NELL2: variants seen among roughly 807,000 people sequenced by gnomAD.
NELL2 encodes the protein protein kinase C-binding protein NELL2.
NELL2 carries 41 observed loss-of-function variants against 109.6 expected under a neutral mutation model. The ratio of observed to expected loss-of-function variants is 0.37; its 90% CI spans 0.29 to 0.49. NELL2 has a LOEUF of 0.49. Among genes scored for constraint, NELL2 ranks in the 20% least tolerant of loss-of-function variants. NELL2 has a pLI of 0.98. For synonymous variants in NELL2, 355 were observed against 344.7 expected, an observed-to-expected ratio of 1.03 and a Z score of -0.33; for missense variants, 900 against 1,008.3, an observed-to-expected ratio of 0.89 and a Z score of 1.45.
intron 12 of NELL2, among the ~76,000 whole-genome samples, chr12:44,669,029 G>A (rs1948047113): frequency 1.3e-5 from 2 of 152,060 alleles, no homozygotes; most frequent in Non-Finnish European, 2.9e-5. Flanking sequence ...CACCACTGGT[G>A]CCCAGGGACC....
At chr12:44,906,072 T>C (rs1945716465) in intron 1 of NELL2, among the ~76,000 whole-genome samples, 1 of 152,038 alleles carries the variant, frequency 6.6e-6, no homozygotes, top group African/African-American at 2.4e-5. Context: ...ATAGGGTGTT[T>C]AGTAATGGTC....
intron 13 of NELL2, among the ~76,000 whole-genome samples, chr12:44,635,949 T>C (rs959530767): frequency 4.6e-5 from 7 of 152,224 alleles, no homozygotes; most frequent in African/African-American, 9.6e-5. Flanking sequence ...TTGTGTCCTC[T>C]CTTGTTTCCT....
intron 1 of NELL2, among the ~76,000 whole-genome samples, chr12:44,898,833 C>T (rs1186580112): frequency 6.6e-6 from 1 of 152,038 alleles, no homozygotes; most frequent in Non-Finnish European, 1.5e-5. Context: ...ATGATCTAAC[C>T]CAATGCAAGG....
rs374044004 is a variant in NELL2, at chr12:44,714,634, C to T, written c.1086+16G>A. On this transcript the variant is annotated intron_variant, in intron 10 of 19. Coordinates refer to ENST00000429094, the MANE Select transcript of NELL2 (RefSeq NM_001145108.2). ...AATAGAAACAATTTTGAAAGACCCA[C>T]GAATAGTCTTCTTACCTTGCACTCA... 1.5e-5 allele frequency: 22 copies of T among 1,491,824 alleles called. No homozygotes were observed. In the Admixed American group the frequency reaches 3.0e-4, roughly 20 times the overall value. The allele number at this position is 1,491,824 out of a possible 1,614,324, so 92.4% of individuals were successfully genotyped here. A position where few individuals can be genotyped will look rare whatever the true frequency, so the allele number is the denominator to read the frequency against.
intron 12 of NELL2, among the ~76,000 whole-genome samples, chr12:44,691,685 G>A (rs1482444633): frequency 1.3e-5 from 2 of 152,156 alleles, no homozygotes; most frequent in African/African-American, 4.8e-5. Context: ...TTACTCCACA[G>A]AACACATGAA....
In NELL2 at chr12:44,523,416, C is replaced by T. The variant is rs374154916; in HGVS notation, c.1873G>A (p.Gly625Arg). Residue 625 changes from glycine to arginine, a missense_variant, in exon 17 of 20, where the codon GGA (glycine) becomes AGA (arginine). By Grantham distance (125) the Gly-to-Arg change is moderately radical (BLOSUM62 -2). Transcript: ENST00000429094. ...CCATGAGGACATCGACAATCATATC[C>T]GCCATCCAAATTGAAGCAAATGGTA... is the stretch of plus-strand genomic sequence containing the variant. ...NDTICFNLDG[G>R]YDCRCPHGKN... 3.1e-6 allele frequency: 5 copies of T among 1,613,974 alleles called. No individual in the cohort carries two copies. The highest frequency in any genetic ancestry group is 1.1e-5 in the South Asian group (1 of 91,084).
chr12:44,916,980 C>T (rs1200061678), upstream of NELL2, among the ~76,000 whole-genome samples: 1 of 152,150 alleles, frequency 6.6e-6, no homozygotes, highest in East Asian at 1.9e-4. Context: ...TTATTCTACT[C>T]AAATTAAACA....
chr12:44,522,561 T>C (rs1247692015), intron 17 of NELL2, among the ~76,000 whole-genome samples: 1 of 152,184 alleles, frequency 6.6e-6, no homozygotes, highest in South Asian at 2.1e-4. Flanking sequence ...TAATATTTCA[T>C]AGTTAATAAC....
intron 12 of NELL2, among the ~76,000 whole-genome samples, chr12:44,676,097 A>T (rs1804861072): frequency 6.6e-6 from 1 of 152,142 alleles, no homozygotes; most frequent in Non-Finnish European, 1.5e-5. Context: ...CACCCAATAA[A>T]ATCTTGAAGT....
intron 9 of NELL2, among the ~76,000 whole-genome samples, chr12:44,728,943 T>A (rs1472257766): frequency 6.6e-6 from 1 of 151,494 alleles, no homozygotes; most frequent in South Asian, 2.1e-4. Context: ...TGATGAAGTT[T>A]ATCATCACTC....
At chr12:44,533,208 C>A (rs1459635416) in intron 15 of NELL2, among the ~76,000 whole-genome samples, 1 of 152,092 alleles carries the variant, frequency 6.6e-6, no homozygotes, top group Admixed American at 6.6e-5. Context: ...GCTCTAAAGA[C>A]CTACCTGAGT....
At chr12:44,670,797 T>C (rs571574524) in intron 12 of NELL2, among the ~76,000 whole-genome samples, 2 of 152,224 alleles carry the variant, frequency 1.3e-5, no homozygotes, top group South Asian at 4.1e-4. Flanking sequence ...CACCCAGTTA[T>C]ATAAAGAAAA....
In NELL2 at chr12:44,908,689, T is replaced by A. The variant is rs151279652; in HGVS notation, c.38+5110A>T. Among the ~76,000 whole-genome samples, 331 of 152,086 alleles carry A rather than the reference T, an allele frequency of 2.2e-3. 2 individuals carry two copies. Among genetic ancestry groups the A allele is most frequent in the African/African-American group, 7.2e-3 (297 of 41,516 alleles). ...GTGCTAAAATACTCCATAAATGAAG[T>A]TATATTCAACAGGTAGTCTAAAGTA... is the stretch of plus-strand genomic sequence containing the variant. On this transcript the variant is annotated intron_variant, in intron 1 of 20. Coordinates refer to the NELL2 transcript ENST00000333837.
At chr12:44,639,468 C>A (rs1946770510) in intron 13 of NELL2, among the ~76,000 whole-genome samples, 1 of 152,160 alleles carries the variant, frequency 6.6e-6, no homozygotes, top group Admixed American at 6.6e-5. Flanking sequence ...CTAACAAGAC[C>A]TTAAGTTCCT....
chr12:44,780,633 TC>T (rs1425260020), intron 3 of NELL2, among the ~76,000 whole-genome samples: 1 of 151,958 alleles, frequency 6.6e-6, no homozygotes, highest in Non-Finnish European at 1.5e-5. Context: ...AGCCTGGACT[TC>T]CATCTCATCT....
chr12:44,546,968 T>G (rs1302831215), intron 15 of NELL2, among the ~76,000 whole-genome samples: 1 of 152,244 alleles, frequency 6.6e-6, no homozygotes, highest in Non-Finnish European at 1.5e-5. Context: ...CTTTTGCATC[T>G]AATTTCCATT....
At chr12:44,882,796 G>A (rs1425437342) in intron 1 of NELL2, among the ~76,000 whole-genome samples, 2 of 149,480 alleles carry the variant, frequency 1.3e-5, no homozygotes, top group African/African-American at 5.0e-5. Flanking sequence ...CCAAACTGCT[G>A]GGATTACAGG....
At chr12:44,654,555 T>TGTCA (rs918878169) in intron 13 of NELL2, among the ~76,000 whole-genome samples, 19 of 152,314 alleles carry the variant, frequency 1.2e-4, no homozygotes, top group African/African-American at 4.3e-4. Context: ...AGTAACAGGA[T>TGTCA]GTCAGTTCCT....
At chr12:44,709,431 C>A (rs897726500) in intron 11 of NELL2, among the ~76,000 whole-genome samples, 1 of 152,156 alleles carries the variant, frequency 6.6e-6, no homozygotes, top group African/African-American at 2.4e-5. Flanking sequence ...AGGTAACCAA[C>A]ATGTAGTGAG....
Sources: gnomAD v4.1 joint callset for allele counts (sites outside exome capture counted in the v4.1 genomes callset) on GRCh38, gnomAD v4.1.1 for gene constraint, MANE v1.5 for transcripts, NCBI Gene and HGNC (gene_info 2026-07-23, HGNC 2026-07-21) for gene names.